SNTG1: variants seen among roughly 807,000 people sequenced by gnomAD.
SNTG1 encodes the protein syntrophin gamma 1.
In SNTG1, 39 loss-of-function variants were observed where a neutral mutation model predicts 74.7. The observed-to-expected ratio is 0.52, with a 90% confidence interval of 0.40 to 0.68. The LOEUF (loss-of-function observed/expected upper bound fraction) is 0.68, where lower values mean the gene tolerates loss of function less well. SNTG1 is among the 30% of genes least tolerant of loss of function. The pLI, the probability that SNTG1 is intolerant of heterozygous loss-of-function variation, is 0.00. For synonymous variants in SNTG1, 254 were observed against 217.1 expected, an observed-to-expected ratio of 1.17 and a Z score of -1.49; for missense variants, 685 against 609.5, an observed-to-expected ratio of 1.12 and a Z score of -1.30.
intron 4 of SNTG1, among the ~76,000 whole-genome samples, chr8:50,435,359 T>C (rs975412697): frequency 6.6e-6 from 1 of 152,208 alleles, no homozygotes; most frequent in Non-Finnish European, 1.5e-5. Context: ...CTTTGTTACC[T>C]GGCAACAGTC....
intron 8 of SNTG1, among the ~76,000 whole-genome samples, chr8:50,494,249 A>G (rs375326872): frequency 6.6e-6 from 1 of 151,992 alleles, no homozygotes; most frequent in East Asian, 1.9e-4. Context: ...CTCTTTTGAA[A>G]TAAAGACCAC....
At chr8:49,953,960 T>C (rs950783639) in intron 1 of SNTG1, among the ~76,000 whole-genome samples, 4 of 152,170 alleles carry the variant, frequency 2.6e-5, no homozygotes, top group Admixed American at 6.5e-5. Context: ...ATAGCAAAAA[T>C]GTTCTAGATT....
At chr8:50,175,320 C>T (rs1174852095) in intron 2 of SNTG1, among the ~76,000 whole-genome samples, 1 of 152,308 alleles carries the variant, frequency 6.6e-6, no homozygotes, top group Non-Finnish European at 1.5e-5. Context: ...TAGAACTTGG[C>T]TGCTCTGTCA....
Position 50,406,435 on chromosome 8 carries a change from C to T in SNTG1, c.162+4091C>T, listed in dbSNP as rs149347394. Among the ~76,000 whole-genome samples, 776 of 151,960 alleles carry T rather than the reference C, an allele frequency of 5.1e-3. 11 individuals carry two copies. The highest frequency in any genetic ancestry group is 0.017 in the African/African-American group (725 of 41,464). On this transcript the variant is annotated intron_variant, in intron 4 of 18. Coordinates refer to ENST00000642720, the MANE Select transcript of SNTG1 (RefSeq NM_018967.5). ...ATTTATTAGTTCTAATAGTTTATTG[C>T]GGAATGTTTATGGTTTTCTACATAT...
intron 9 of SNTG1, among the ~76,000 whole-genome samples, chr8:50,513,844 C>T (rs952089288): frequency 1.3e-5 from 2 of 152,300 alleles, no homozygotes; most frequent in Admixed American, 6.5e-5. Flanking sequence ...AAGGGAATTC[C>T]CTGACCCCTT....
intron 11 of SNTG1, among the ~76,000 whole-genome samples, chr8:50,540,828 G>A (rs957564411): frequency 3.3e-5 from 5 of 151,794 alleles, no homozygotes; most frequent in African/African-American, 7.3e-5. Flanking sequence ...ATATCTACTT[G>A]TATATTCTTC....
intron 4 of SNTG1, among the ~76,000 whole-genome samples, chr8:50,416,472 GA>G (rs2093015221): frequency 6.6e-6 from 1 of 152,100 alleles, no homozygotes; most frequent in South Asian, 2.1e-4. Flanking sequence ...CATAAATTTT[GA>G]AATATGTATT....
chr8:50,226,309 C>G lies in SNTG1; in HGVS notation c.-28+53674C>G, dbSNP rs528883810. On this transcript the variant is annotated intron_variant, in intron 2 of 18. Transcript: ENST00000642720. ...TTTCCAATCTGACTCTGGCATAACACTATGAGACAAGGAAGAAAATCAAAA... is the reference window on the plus strand; with the variant it reads ...TTTCCAATCTGACTCTGGCATAACAGTATGAGACAAGGAAGAAAATCAAAA... 2.7e-3 allele frequency among the ~76,000 whole-genome samples: 415 copies of G among 152,212 alleles called. 2 individuals are homozygous for G. Among genetic ancestry groups the G allele is most frequent in the South Asian group, 0.012 (59 of 4,826 alleles).
At chr8:50,180,904 A>G (rs1338981257) in intron 2 of SNTG1, among the ~76,000 whole-genome samples, 1 of 151,700 alleles carries the variant, frequency 6.6e-6, no homozygotes, top group Non-Finnish European at 1.5e-5. Flanking sequence ...GGGCTAACAG[A>G]TGCACGCCAC....
chr8:50,524,839 C>A (rs1244843047), intron 9 of SNTG1, among the ~76,000 whole-genome samples: 1 of 152,084 alleles, frequency 6.6e-6, no homozygotes, highest in Non-Finnish European at 1.5e-5. Context: ...GTCCTGGAAT[C>A]AATCTCCCAT....
At chr8:50,689,787 C>T (rs968174221) in intron 15 of SNTG1, among the ~76,000 whole-genome samples, 1 of 152,190 alleles carries the variant, frequency 6.6e-6, no homozygotes, top group Non-Finnish European at 1.5e-5. Flanking sequence ...AGGATTCCCT[C>T]TTTTTCTATT....
At chr8:50,155,724 A>G (rs2082232266) in intron 1 of SNTG1, among the ~76,000 whole-genome samples, 1 of 152,026 alleles carries the variant, frequency 6.6e-6, no homozygotes, top group African/African-American at 2.4e-5. Context: ...GGTTTATGAT[A>G]AAAACATCAC....
chr8:50,527,747 G>T (rs1006193624), intron 9 of SNTG1, among the ~76,000 whole-genome samples: 1 of 151,846 alleles, frequency 6.6e-6, no homozygotes, highest in Non-Finnish European at 1.5e-5. Context: ...GAAATCGCAT[G>T]CCAATTTGCA....
chr8:50,619,320 G>C (rs2094905306), intron 13 of SNTG1, among the ~76,000 whole-genome samples: 1 of 152,162 alleles, frequency 6.6e-6, no homozygotes, highest in African/African-American at 2.4e-5. Flanking sequence ...CCCATCTGGA[G>C]TACCTATATA....
intron 1 of SNTG1, among the ~76,000 whole-genome samples, chr8:50,102,934 C>A (rs2080202322): frequency 6.6e-6 from 1 of 151,000 alleles, no homozygotes; most frequent in Admixed American, 6.6e-5. Context: ...TGTTTTGGTA[C>A]CAGTACCATG....
At chr8:50,612,506 T>C (rs573271881) in intron 13 of SNTG1, among the ~76,000 whole-genome samples, 1 of 152,334 alleles carries the variant, frequency 6.6e-6, no homozygotes. Flanking sequence ...AATTCTGTAA[T>C]ATGTTAGACT....
At chr8:50,103,389 G>A (rs1393674747) in intron 1 of SNTG1, among the ~76,000 whole-genome samples, 2 of 152,128 alleles carry the variant, frequency 1.3e-5, no homozygotes. Flanking sequence ...AAGAATGCTT[G>A]TGATTTTTGT....
chr8:50,129,267 C>T (rs1420653381), intron 1 of SNTG1, among the ~76,000 whole-genome samples: 1 of 152,074 alleles, frequency 6.6e-6, no homozygotes, highest in Non-Finnish European at 1.5e-5. Context: ...TCATTCAGAG[C>T]ATCGCATATG....
intron 2 of SNTG1, among the ~76,000 whole-genome samples, chr8:50,348,186 C>A (rs1315700193): frequency 2.0e-5 from 3 of 152,116 alleles, no homozygotes; most frequent in African/African-American, 4.8e-5. Context: ...TTTGCATTTC[C>A]AAAAGAAATA....
Sources: gnomAD v4.1 joint callset for allele counts (sites outside exome capture counted in the v4.1 genomes callset) on GRCh38, gnomAD v4.1.1 for gene constraint, MANE v1.5 for transcripts, NCBI Gene and HGNC (gene_info 2026-07-23, HGNC 2026-07-21) for gene names.